TSC22D1: variants seen among roughly 807,000 people sequenced by gnomAD.
TSC22D1 encodes the protein TSC22 domain family member 1.
A neutral mutation model predicts 74.2 loss-of-function variants in TSC22D1; 9 were observed. The observed-to-expected ratio is 0.12, with a 90% CI of 0.07 to 0.21. The LOEUF is 0.21. Among genes scored for constraint, TSC22D1 ranks in the 10% least tolerant of loss-of-function variants. The pLI is 1.00. For synonymous variants in TSC22D1, 586 were observed against 492.5 expected (o/e 1.19, Z -2.51); for missense variants, 1,427 against 1,304.7 (o/e 1.09, Z -1.44).
intron 1 of TSC22D1, among the ~76,000 whole-genome samples, chr13:44,517,443 A>G (rs1026696677): frequency 2.0e-5 from 3 of 152,158 alleles, no homozygotes; most frequent in African/African-American, 7.2e-5. Context: ...CCCACAAGAA[A>G]TTATCTACAA....
intron 1 of TSC22D1, among the ~76,000 whole-genome samples, chr13:44,442,255 TCA>T (rs920121947): frequency 5.9e-5 from 9 of 152,088 alleles, no homozygotes; most frequent in African/African-American, 2.2e-4. Flanking sequence ...ATCCAATAAT[TCA>T]CAATGTCTGG....
intron 1 of TSC22D1, among the ~76,000 whole-genome samples, chr13:44,488,514 G>A (rs560573313): frequency 6.6e-6 from 1 of 151,994 alleles, no homozygotes; most frequent in Admixed American, 6.6e-5. Context: ...CATTTCCATT[G>A]GATAGTGCTA....
chr13:44,516,178 G>T (rs61947968), intron 1 of TSC22D1, among the ~76,000 whole-genome samples: 13,839 of 152,022 alleles, frequency 0.091, 805 homozygotes, highest in Non-Finnish European at 0.13. Flanking sequence ...TACTTGACCT[G>T]CAGAACTTTA....
intron 1 of TSC22D1, chr13:44,539,288 G>T (rs1881325729): frequency 1.0e-6 from 1 of 985,184 alleles, no homozygotes; most frequent in Non-Finnish European, 1.2e-6. Flanking sequence ...TCTTTTAAAA[G>T]ATCTAATATG....
At chr13:44,459,430 G>C (rs1876872985) in intron 1 of TSC22D1, among the ~76,000 whole-genome samples, 1 of 152,118 alleles carries the variant, frequency 6.6e-6, no homozygotes, top group Non-Finnish European at 1.5e-5. Context: ...CACCCACTTT[G>C]GGTCTCCTGA....
intron 1 of TSC22D1, among the ~76,000 whole-genome samples, chr13:44,516,743 T>C (rs1301309467): frequency 6.6e-6 from 1 of 152,216 alleles, no homozygotes; most frequent in Non-Finnish European, 1.5e-5. Context: ...TTTTCTTCCC[T>C]CAAAGGCAGG....
chr13:44,548,766 T>G (rs1881996166), intron 1 of TSC22D1, among the ~76,000 whole-genome samples: 1 of 152,198 alleles, frequency 6.6e-6, no homozygotes, highest in South Asian at 2.1e-4. Context: ...TCCTTTCACC[T>G]TTTAAGTATC....
At chr13:44,448,723 G>T (rs926964250) in intron 1 of TSC22D1, among the ~76,000 whole-genome samples, 2 of 152,096 alleles carry the variant, frequency 1.3e-5, no homozygotes, top group African/African-American at 2.4e-5. Flanking sequence ...AAAGCAAAAT[G>T]GACCTTGGAG....
At chr13:44,448,217 C>G (rs1237291971) in intron 1 of TSC22D1, among the ~76,000 whole-genome samples, 3 of 152,072 alleles carry the variant, frequency 2.0e-5, no homozygotes, top group Non-Finnish European at 4.4e-5. Flanking sequence ...AATATTATTT[C>G]TTTTACTTTT....
Position 44,573,505 on chromosome 13 carries a change from A to G in TSC22D1, c.2570T>C (p.Ile857Thr), listed in dbSNP as rs138773221. Residue 857 changes from isoleucine (I) to threonine (T), a missense_variant, in exon 1 of 3, where the codon ATA (isoleucine) becomes ACA (threonine). By Grantham distance (89) the Ile-to-Thr change is moderately conservative. Around this residue, in one of 3 missense-constraint regions of TSC22D1, gnomAD observed 1,343 missense variants for 1,191.5 expected, o/e 1.13. Transcript: ENST00000458659. ...APTNLVPPQN[I>T]AQTPATQNGN... ...ATTTTGGGTAGCAGGGGTTTGTGCT[A>G]TATTTTGTGGTGGAACCAAGTTTGT... The G allele has an allele frequency of 9.9e-6, 16 of 1,614,192 alleles. No individual in the cohort carries two copies. The Admixed American group carries it at 1.3e-4, about 13-fold the overall frequency.
intron 2 of TSC22D1, chr13:44,435,351 C>G (rs1359232708): frequency 6.3e-6 from 1 of 159,142 alleles, no homozygotes; most frequent in Non-Finnish European, 1.4e-5. Flanking sequence ...CGTGATTAAG[C>G]TGACATCACA....
At position 44,573,271 on chromosome 13, in the gene TSC22D1, A is replaced by G; in HGVS notation, c.2804T>C (p.Met935Thr). 2 of 1,614,240 alleles carry G rather than the reference A, an allele frequency of 1.2e-6. No homozygotes were observed. The highest frequency in any genetic ancestry group is 1.7e-6 in the Non-Finnish European group (2 of 1,180,040). Residue 935 changes from methionine (M) to threonine (T), a missense_variant, in exon 1 of 3, where the codon ATG becomes ACG. By Grantham distance (81) the Met-to-Thr change is moderately conservative. This residue lies in a region of TSC22D1 where 1,343 missense variants were observed against 1,191.5 expected (regional missense o/e 1.13). Coordinates refer to ENST00000458659, the MANE Select transcript of TSC22D1 (RefSeq NM_183422.4). The stretch of plus-strand genomic sequence containing the variant: ...GCTACTCCCATCTGAAACTGCTGAC[A>G]TTCCCCCACTGTCACCACTGATAGT... ...PQTISGDSGG[M>T]SAVSDGSSSS...
rs1874307328 is a variant in TSC22D1 at position 44,434,147 on chromosome 13, T to A, written c.*479A>T. On this transcript the variant is annotated 3_prime_UTR_variant, in exon 3 of 3. Transcript: ENST00000458659. The stretch of plus-strand genomic sequence containing the variant: ...CAGTTGTCAAATTTGTACAGTGAAC[T>A]CTGTTCCCCCTCATTTTAGTCTTTT... 6.7e-7 allele frequency: 1 copy of A among 1,490,430 alleles called. No individual in the cohort carries two copies. Among genetic ancestry groups the A allele is most frequent in the Non-Finnish European group, 8.8e-7 (1 of 1,134,240 alleles). The allele number at this position is 1,490,430 out of a possible 1,614,324, so 92.3% of individuals were successfully genotyped here.
chr13:44,449,268 G>A (rs553126179), intron 1 of TSC22D1, among the ~76,000 whole-genome samples: 2 of 152,322 alleles, frequency 1.3e-5, no homozygotes, highest in South Asian at 2.1e-4. Flanking sequence ...ACAAGGTCCC[G>A]ACAGAGAAAG....
chr13:44,489,049 A>C (rs1396703133), intron 1 of TSC22D1, among the ~76,000 whole-genome samples: 1 of 152,196 alleles, frequency 6.6e-6, no homozygotes, highest in Non-Finnish European at 1.5e-5. Context: ...ATTCCATTAA[A>C]AGAATAGATT....
intron 1 of TSC22D1, among the ~76,000 whole-genome samples, chr13:44,478,129 G>C (rs61949805): frequency 0.11 from 17,455 of 151,950 alleles, 1,036 homozygotes; most frequent in Non-Finnish European, 0.13. Flanking sequence ...AAATTTAAAA[G>C]CAGAACTATT....
chr13:44,435,121 A>T, intron 2 of TSC22D1: 1 of 430,902 alleles, frequency 2.3e-6, no homozygotes. Context: ...TTGGCCAGAA[A>T]CGCCCAAGTA....
chr13:44,442,558 T>A (rs1875285016), intron 1 of TSC22D1, among the ~76,000 whole-genome samples: 1 of 151,952 alleles, frequency 6.6e-6, no homozygotes, highest in African/African-American at 2.4e-5. Context: ...AGGACAGAAG[T>A]AGTATTAGTG....
intron 1 of TSC22D1, chr13:44,474,307 A>T: frequency 1.0e-6 from 1 of 984,990 alleles, no homozygotes; most frequent in Non-Finnish European, 1.2e-6. Context: ...GGCCCAACTG[A>T]CACTCCTGGT....
Sources: gnomAD v4.1 joint callset for allele counts (sites outside exome capture counted in the v4.1 genomes callset) on GRCh38, gnomAD v4.1.1 for gene constraint, gnomAD v4.1.1 regional missense constraint, MANE v1.5 for transcripts, NCBI Gene and HGNC (gene_info 2026-07-23, HGNC 2026-07-21) for gene names.